CSMD1: variants seen among roughly 807,000 people sequenced by gnomAD.
CSMD1 encodes CUB and sushi domain-containing protein 1.
CSMD1 carries 213 observed loss-of-function variants against 417.5 expected under a neutral mutation model. The observed-to-expected ratio is 0.51, with a 90% CI of 0.46 to 0.57. The LOEUF is 0.57. CSMD1 is among the 20% of genes least tolerant of loss of function. The pLI, the probability that CSMD1 is intolerant of heterozygous loss-of-function variation, is 0.00. For synonymous variants in CSMD1, 2,862 were observed against 1,736.8 expected (o/e 1.65, Z -16.11); for missense variants, 6,923 against 4,529.7 (o/e 1.53, Z -15.17).
At chr8:4,932,915 T>C (rs370918646) in intron 1 of CSMD1, among the ~76,000 whole-genome samples, 2 of 152,202 alleles carry the variant, frequency 1.3e-5, no homozygotes, top group Admixed American at 6.5e-5. Context: ...TGCTGCCTAA[T>C]AGTGAATTAA....
At chr8:4,235,241 T>A (rs1286751307) in intron 3 of CSMD1, among the ~76,000 whole-genome samples, 1 of 152,144 alleles carries the variant, frequency 6.6e-6, no homozygotes, top group African/African-American at 2.4e-5. Flanking sequence ...ACGAACAACA[T>A]CATTTTTGTT....
intron 12 of CSMD1, among the ~76,000 whole-genome samples, chr8:3,412,525 A>G (rs1812876354): frequency 6.6e-6 from 1 of 152,176 alleles, no homozygotes; most frequent in South Asian, 2.1e-4. Context: ...AGTTTGATAC[A>G]TTATCACACT....
At chr8:3,489,706 C>G (rs2055337) in intron 11 of CSMD1, among the ~76,000 whole-genome samples, 58,409 of 151,884 alleles carry the variant, frequency 0.38, 11,271 homozygotes, top group South Asian at 0.48. Context: ...TAAAAATTAA[C>G]AAAATGAGAA....
intron 5 of CSMD1, among the ~76,000 whole-genome samples, chr8:3,979,388 C>G (rs937465536): frequency 6.6e-6 from 1 of 152,150 alleles, no homozygotes; most frequent in Non-Finnish European, 1.5e-5. Flanking sequence ...GAGGAGACAT[C>G]AGCGCAGCTA....
At chr8:3,938,895 C>A (rs1179729582) in intron 5 of CSMD1, among the ~76,000 whole-genome samples, 1 of 152,174 alleles carries the variant, frequency 6.6e-6, no homozygotes, top group South Asian at 2.1e-4. Flanking sequence ...AACTGTATAT[C>A]TATATGCTCA....
chr8:3,841,814 T>C (rs1054695021), intron 5 of CSMD1, among the ~76,000 whole-genome samples: 3 of 151,930 alleles, frequency 2.0e-5, no homozygotes, highest in Admixed American at 1.3e-4. Flanking sequence ...CCATGATCTG[T>C]GTTCAAAGCA....
intron 8 of CSMD1, among the ~76,000 whole-genome samples, chr8:3,611,517 T>C (rs1801893306): frequency 6.6e-6 from 1 of 151,092 alleles, no homozygotes; most frequent in Non-Finnish European, 1.5e-5. Flanking sequence ...ATGAGTCTTT[T>C]ACTTCAAGGA....
At chr8:4,396,371 G>A (rs1242773002) in intron 3 of CSMD1, among the ~76,000 whole-genome samples, 1 of 152,020 alleles carries the variant, frequency 6.6e-6, no homozygotes, top group East Asian at 1.9e-4. Context: ...GGAAGCTGAG[G>A]CAGGAGGATT....
At chr8:3,278,569 T>C (rs1409416434) in intron 26 of CSMD1, 1 of 152,220 alleles carries the variant, frequency 6.6e-6, no homozygotes, top group African/African-American at 2.4e-5. Flanking sequence ...ATTTTTAAAA[T>C]CATAACTAAT....
At chr8:4,413,425 A>C (rs1796755337) in intron 3 of CSMD1, among the ~76,000 whole-genome samples, 2 of 152,192 alleles carry the variant, frequency 1.3e-5, no homozygotes, top group South Asian at 4.1e-4. Flanking sequence ...TTGTTTCTTT[A>C]GGGCAGTTCA....
At chr8:4,676,679 C>G (rs1298246893) in intron 1 of CSMD1, among the ~76,000 whole-genome samples, 1 of 152,016 alleles carries the variant, frequency 6.6e-6, no homozygotes, top group African/African-American at 2.4e-5. Flanking sequence ...TTTATTATAG[C>G]CTATGTAGCG....
chr8:3,426,354 G>C (rs1813839126), intron 12 of CSMD1, among the ~76,000 whole-genome samples: 1 of 152,164 alleles, frequency 6.6e-6, no homozygotes, highest in Non-Finnish European at 1.5e-5. Flanking sequence ...CAGTGATCAT[G>C]AGACTCATAG....
At chr8:4,864,618 T>C (rs1563622231) in intron 1 of CSMD1, among the ~76,000 whole-genome samples, 1 of 151,750 alleles carries the variant, frequency 6.6e-6, no homozygotes, top group African/African-American at 2.4e-5. Context: ...ACTAGCTTTA[T>C]TAATTTTAAA....
chr8:4,640,442 C>A (rs922648076), intron 1 of CSMD1, among the ~76,000 whole-genome samples: 1 of 152,062 alleles, frequency 6.6e-6, no homozygotes, highest in Non-Finnish European at 1.5e-5. Flanking sequence ...GCCAGTGGAA[C>A]AGAATAGAAA....
In CSMD1 at chr8:3,884,944, T is replaced by TATAC. The variant is rs1247548041; in HGVS notation, c.818+112958_818+112959insGTAT. Reference sequence around the variant, plus strand: ...ATATATATATATTCATATATATATATACACACACACACACATTCAGAAGGC... The same window carrying TATAC: ...ATATATATATATTCATATATATATATATACACACACACACACACATTCAGAAGGC... On this transcript the variant is annotated intron_variant, in intron 5 of 69. Transcript: ENST00000635120. Among the ~76,000 whole-genome samples the TATAC allele has an allele frequency of 8.7e-4, 130 of 148,714 alleles. 1 individual carries two copies. Among genetic ancestry groups the TATAC allele is most frequent in the African/African-American group, 2.9e-3 (118 of 40,694 alleles).
At chr8:4,010,909 T>C (rs1285093871) in intron 4 of CSMD1, among the ~76,000 whole-genome samples, 1 of 152,184 alleles carries the variant, frequency 6.6e-6, no homozygotes, top group African/African-American at 2.4e-5. Context: ...GGTCTAACTT[T>C]ACATATATGG....
chr8:3,399,697 T>A (rs897056022), intron 15 of CSMD1, among the ~76,000 whole-genome samples, 168 bp from the exon 16 acceptor site: 1 of 152,216 alleles, frequency 6.6e-6, no homozygotes, highest in African/African-American at 2.4e-5. Context: ...GAAAGCAGGG[T>A]CTATATATGC....
chr8:3,215,530 C>T (rs559772233), intron 29 of CSMD1, among the ~76,000 whole-genome samples: 1 of 152,318 alleles, frequency 6.6e-6, no homozygotes, highest in East Asian at 1.9e-4. Context: ...CCACAAAGAC[C>T]CCCTGCAGAG....
rs1475339669 is a variant in CSMD1, at chr8:3,289,746, G to A, written c.3951-5400C>T. 1.0e-3 allele frequency among the ~76,000 whole-genome samples: 147 copies of A among 147,236 alleles called. 22 individuals are homozygous for A. Among genetic ancestry groups the A allele is most frequent in the African/African-American group, 3.8e-3 (141 of 37,084 alleles). ...TATTAGCCCTTTGTCAGATGAGGAG[G>A]TTGCAATAATTTTCTCCCATTCTGT... is the stretch of plus-strand genomic sequence containing the variant. On this transcript the variant is annotated intron_variant, in intron 25 of 69. Transcript: ENST00000635120.
Sources: gnomAD v4.1 joint callset for allele counts (sites outside exome capture counted in the v4.1 genomes callset) on GRCh38, gnomAD v4.1.1 for gene constraint, MANE v1.5 for transcripts, NCBI Gene and HGNC (gene_info 2026-07-23, HGNC 2026-07-21) for gene names.